C1orf21: variants seen among roughly 807,000 people sequenced by gnomAD.
C1orf21 encodes the protein chromosome 1 open reading frame 21, also known as uncharacterized protein C1orf21.
In C1orf21, 3 loss-of-function variants were observed where a neutral mutation model predicts 18.7. The observed-to-expected ratio is 0.16, with a 90% confidence interval of 0.07 to 0.42. The LOEUF (loss-of-function observed/expected upper bound fraction) is 0.42, where lower values mean the gene tolerates loss of function less well. Among genes scored for constraint, C1orf21 ranks in the 10% least tolerant of loss-of-function variants. The probability of loss-of-function intolerance (pLI) is 0.99; values close to 1 mark genes in which losing one functional copy is unlikely to be tolerated. For missense variants in C1orf21, 104 were observed against 143.6 expected (o/e 0.72, Z 1.41); for synonymous variants, 41 against 46.4 (o/e 0.88, Z 0.47).
intron 1 of C1orf21, among the ~76,000 whole-genome samples, chr1:184,454,910 A>G (rs1432765963): frequency 2.0e-5 from 3 of 152,210 alleles, no homozygotes; most frequent in Non-Finnish European, 4.4e-5. Flanking sequence ...TAATACAAGT[A>G]TTTAAAGGAG....
chr1:184,533,466 T>A (rs1658500162), intron 3 of C1orf21, among the ~76,000 whole-genome samples: 1 of 152,200 alleles, frequency 6.6e-6, no homozygotes, highest in African/African-American at 2.4e-5. Flanking sequence ...TTGAACATAA[T>A]GTTAAAGAAG....
At chr1:184,612,115 A>G (rs913241754) in intron 5 of C1orf21, among the ~76,000 whole-genome samples, 1 of 152,256 alleles carries the variant, frequency 6.6e-6, no homozygotes, top group African/African-American at 2.4e-5. Flanking sequence ...GTGATAATGC[A>G]CAGTCCAGCA....
intron 2 of C1orf21, among the ~76,000 whole-genome samples, chr1:184,484,096 G>C (rs1379252653): frequency 2.6e-5 from 4 of 151,932 alleles, no homozygotes; most frequent in African/African-American, 9.7e-5. Flanking sequence ...GCTAATTTTT[G>C]TATTTTTTTT....
chr1:184,429,574 G>A (rs1334636636), intron 1 of C1orf21, among the ~76,000 whole-genome samples: 1 of 152,116 alleles, frequency 6.6e-6, no homozygotes, highest in African/African-American at 2.4e-5. Flanking sequence ...TGGCATAAAA[G>A]AATTACTGGA....
chr1:184,586,829 T>C (rs1057167766), intron 3 of C1orf21, among the ~76,000 whole-genome samples: 2 of 152,226 alleles, frequency 1.3e-5, no homozygotes, highest in African/African-American at 4.8e-5. Flanking sequence ...GCAGTTGTTT[T>C]TGATGTCTTT....
chr1:184,519,584 A>G (rs998057741), intron 3 of C1orf21, among the ~76,000 whole-genome samples: 1 of 152,184 alleles, frequency 6.6e-6, no homozygotes, highest in African/African-American at 2.4e-5. Flanking sequence ...AGGCTGGGCC[A>G]CTGTTACTAG....
intron 1 of C1orf21, among the ~76,000 whole-genome samples, chr1:184,454,584 T>C (rs1159438286): frequency 2.0e-5 from 3 of 152,104 alleles, no homozygotes; most frequent in Admixed American, 6.5e-5. Context: ...TTTCCATGAA[T>C]GTTTTAGCAC....
chr1:184,501,059 G>A (rs1173923233), intron 2 of C1orf21, among the ~76,000 whole-genome samples: 1 of 152,144 alleles, frequency 6.6e-6, no homozygotes, highest in East Asian at 1.9e-4. Context: ...TCAGAGAGAG[G>A]CAGAAAGCCC....
intron 1 of C1orf21, among the ~76,000 whole-genome samples, chr1:184,440,354 T>G (rs1047632153): frequency 6.6e-6 from 1 of 152,206 alleles, no homozygotes; most frequent in Non-Finnish European, 1.5e-5. Flanking sequence ...GCAATTCACC[T>G]GTCTTAGCCT....
At chr1:184,511,075 G>A (rs891847326) in intron 3 of C1orf21, among the ~76,000 whole-genome samples, 6 of 152,198 alleles carry the variant, frequency 3.9e-5, no homozygotes, top group Non-Finnish European at 7.4e-5. Flanking sequence ...GTTGGTGGTG[G>A]TGAGAGTAAG....
intron 1 of C1orf21, among the ~76,000 whole-genome samples, chr1:184,448,635 G>T (rs889079425): frequency 1.3e-5 from 2 of 152,108 alleles, no homozygotes; most frequent in Admixed American, 1.3e-4. Context: ...TGCTGACCTG[G>T]GTCTCCAGAG....
intron 2 of C1orf21, among the ~76,000 whole-genome samples, chr1:184,503,763 C>T (rs12401841): frequency 6.6e-6 from 1 of 152,062 alleles, no homozygotes; most frequent in Non-Finnish European, 1.5e-5. Flanking sequence ...CCATTCCTTC[C>T]AAGCTTTGCA....
intron 4 of C1orf21, among the ~76,000 whole-genome samples, chr1:184,593,271 TTG>T (rs55802126): frequency 8.8e-4 from 131 of 149,228 alleles, no homozygotes; most frequent in Non-Finnish European, 8.8e-4. Context: ...AGCAGCATGC[TTG>T]TGTGTGTGTG....
chr1:184,417,353 C>G (rs1399545757), intron 1 of C1orf21, among the ~76,000 whole-genome samples: 1 of 151,796 alleles, frequency 6.6e-6, no homozygotes, highest in Admixed American at 6.6e-5. Context: ...GAAATACACC[C>G]CTCCCCCAAA....
chr1:184,450,897 T>C (rs1657110687), intron 1 of C1orf21, among the ~76,000 whole-genome samples: 1 of 152,212 alleles, frequency 6.6e-6, no homozygotes, highest in Non-Finnish European at 1.5e-5. Flanking sequence ...TTTGTTTTCC[T>C]GACAGAATCT....
rs543163843 is a variant in C1orf21 at position 184,499,134 on chromosome 1, C to T, written c.95-8454C>T. Among the ~76,000 whole-genome samples the T allele has an allele frequency of 2.6e-5, 4 of 152,104 alleles. No individual in the cohort carries two copies. In the East Asian group the frequency reaches 7.7e-4, roughly 29 times the overall value. On this transcript the variant is annotated intron_variant, in intron 2 of 5. Coordinates refer to ENST00000235307, the MANE Select transcript of C1orf21 (RefSeq NM_030806.4). The stretch of plus-strand genomic sequence containing the variant: ...TCCTCTCCTTCTTCCTCCTACCCCT[C>T]TTCTTCCTCCTCCCCTTCCTCCTCC...
chr1:184,479,940 A>G (rs1657629896), intron 2 of C1orf21, among the ~76,000 whole-genome samples: 2 of 152,128 alleles, frequency 1.3e-5, no homozygotes, highest in Non-Finnish European at 2.9e-5. Flanking sequence ...TTTAATGCAC[A>G]AAAGTATTGA....
intron 1 of C1orf21, among the ~76,000 whole-genome samples, chr1:184,472,143 G>A (rs1202735671): frequency 6.6e-6 from 1 of 151,746 alleles, no homozygotes; most frequent in African/African-American, 2.4e-5. Flanking sequence ...TATATATATA[G>A]ATATATATTT....
intron 3 of C1orf21, among the ~76,000 whole-genome samples, chr1:184,519,153 G>T (rs1658270798): frequency 6.6e-6 from 1 of 152,182 alleles, no homozygotes; most frequent in Admixed American, 6.5e-5. Context: ...AGATTGGGGT[G>T]TTGATAATGA....
Sources: gnomAD v4.1 joint callset for allele counts (sites outside exome capture counted in the v4.1 genomes callset) on GRCh38, gnomAD v4.1.1 for gene constraint, MANE v1.5 for transcripts, NCBI Gene and HGNC (gene_info 2026-07-23, HGNC 2026-07-21) for gene names.